Variants in EED observed in about 807,000 individuals in gnomAD.
EED encodes the protein embryonic ectoderm development.
Under a neutral mutation model 61.0 loss-of-function variants are expected in EED, and 9 were observed. That is an observed-to-expected ratio of 0.15 (90% CI 0.09 to 0.26). The LOEUF (loss-of-function observed/expected upper bound fraction) is 0.26, where lower values mean the gene tolerates loss of function less well. Among genes scored for constraint, EED ranks in the 10% least tolerant of loss-of-function variants. The pLI is 1.00. For synonymous variants in EED, 187 were observed against 174.4 expected (o/e 1.07, Z -0.57); for missense variants, 315 against 542.3 (o/e 0.58, Z 4.16).
intron 9 of EED, among the ~76,000 whole-genome samples, chr11:86,273,106 C>G (rs1946153972): frequency 6.6e-6 from 1 of 152,192 alleles, no homozygotes; most frequent in Non-Finnish European, 1.5e-5. Context: ...TCTCTGAAGC[C>G]TGAAACTCCT....
chr11:86,267,766 A>ATTTTTTTTTTTTTTTTTTTTTTTT, intron 8 of EED: 1 of 108,750 alleles, frequency 9.2e-6, no homozygotes, highest in Non-Finnish European at 1.8e-5. Context: ...TGCCTGGCTA[A>ATTTTTTTTTTTTTTTTTTTTTTTT]TTTTTTTTTT....
intron 9 of EED, among the ~76,000 whole-genome samples, chr11:86,275,755 C>G (rs1248397259): frequency 6.6e-6 from 1 of 152,162 alleles, no homozygotes; most frequent in Non-Finnish European, 1.5e-5. Flanking sequence ...TGAGAAAACT[C>G]CACAGACTAT....
chr11:86,248,322 G>T (rs991435), intron 1 of EED, among the ~76,000 whole-genome samples: 1 of 152,048 alleles, frequency 6.6e-6, no homozygotes, highest in Non-Finnish European at 1.5e-5. Context: ...TAAATTAAGT[G>T]ATCAGAAGTA....
downstream of EED, among the ~76,000 whole-genome samples, chr11:86,279,508 G>C (rs1255286751): frequency 6.6e-6 from 1 of 152,132 alleles, no homozygotes; most frequent in Non-Finnish European, 1.5e-5. Context: ...AAAGAGTGAA[G>C]ACCAAGATCA....
At chr11:86,260,917 CT>C (rs142808671) in intron 6 of EED, among the ~76,000 whole-genome samples, 1,787 of 142,868 alleles carry the variant, frequency 0.013, 32 homozygotes, top group African/African-American at 0.037. Flanking sequence ...AACTTGAAGC[CT>C]TTTTTTTTTT....
At chr11:86,280,776 T>C (rs1374993950), downstream of EED, among the ~76,000 whole-genome samples, 1 of 152,248 alleles carries the variant, frequency 6.6e-6, no homozygotes, top group Non-Finnish European at 1.5e-5. Flanking sequence ...AACTTTTCAC[T>C]AATGAGTATG....
At chr11:86,274,295 T>C (rs1946181471) in intron 9 of EED, among the ~76,000 whole-genome samples, 3 of 152,204 alleles carry the variant, frequency 2.0e-5, no homozygotes, top group Admixed American at 2.0e-4. Flanking sequence ...TTTATATTCC[T>C]GCCTTAAATC....
intron 6 of EED, among the ~76,000 whole-genome samples, chr11:86,261,891 A>C (rs1318495877): frequency 1.3e-5 from 2 of 152,106 alleles, no homozygotes; most frequent in Non-Finnish European, 2.9e-5. Flanking sequence ...CCTTGCCCTC[A>C]AGGTCTTAGC....
At position 86,260,929 on chromosome 11, in the gene EED, T is replaced by A. The variant is rs963432915; in HGVS notation, c.635-3243T>A. On this transcript the variant is annotated intron_variant, in intron 6 of 11. Coordinates refer to ENST00000263360, the MANE Select transcript of EED (RefSeq NM_003797.5). ...TTGAACTTGAAGCCTTTTTTTTTTT[T>A]AATATATAATTGGAATTAATTCATT... 1.7e-4 allele frequency among the ~76,000 whole-genome samples: 26 copies of A among 151,936 alleles called. 1 individual carries two copies. The highest frequency in any genetic ancestry group is 9.2e-4 in the Admixed American group (14 of 15,264).
At chr11:86,260,299 C>G (rs1449052939) in intron 6 of EED, among the ~76,000 whole-genome samples, 7 of 152,114 alleles carry the variant, frequency 4.6e-5, no homozygotes, top group Non-Finnish European at 8.8e-5. Context: ...GTGATCACAG[C>G]TCACTGTAGC....
At chr11:86,270,146 C>A (rs760263408) in intron 9 of EED, 22 of 700,724 alleles carry the variant, frequency 3.1e-5, no homozygotes, top group Admixed American at 1.4e-4. Context: ...TCCGAATCTT[C>A]GCCAGCATTT....
chr11:86,272,927 T>C lies in EED; in HGVS notation c.967-4053T>C, dbSNP rs181022558. Among the ~76,000 whole-genome samples, 64 of 152,356 alleles carry C rather than the reference T, an allele frequency of 4.2e-4. 1 individual carries two copies. Among genetic ancestry groups the C allele is most frequent in the Admixed American group, 1.2e-3 (18 of 15,304 alleles). On this transcript the variant is annotated intron_variant, in intron 9 of 11. Transcript: ENST00000263360. The stretch of plus-strand genomic sequence containing the variant: ...CTTTTTCATTTCTCTCTGAGTTTTT[T>C]CCCCCCTAACTTTCTGGGTTACATG...
chr11:86,254,445 T>C (rs925605357), intron 3 of EED, among the ~76,000 whole-genome samples: 2 of 151,264 alleles, frequency 1.3e-5, no homozygotes, highest in African/African-American at 4.9e-5. Flanking sequence ...CTCAGCCTCC[T>C]GAGTAGCTGG....
At chr11:86,255,187 T>G in intron 3 of EED, 35 bp from the exon 4 acceptor site, 2 of 1,519,122 alleles carry the variant, frequency 1.3e-6, no homozygotes, top group Non-Finnish European at 1.8e-6. Flanking sequence ...TTTCTATACT[T>G]GAGATGAAAT....
At chr11:86,265,829 A>T (rs1190577388) in intron 7 of EED, 1 of 242,560 alleles carries the variant, frequency 4.1e-6, no homozygotes, top group African/African-American at 2.2e-5. Context: ...TTGAATAGAT[A>T]AAACTAAGTT....
intron 4 of EED, among the ~76,000 whole-genome samples, chr11:86,256,010 A>G (rs925304378): frequency 6.6e-6 from 1 of 152,206 alleles, no homozygotes; most frequent in African/African-American, 2.4e-5. Context: ...AGATATTTAT[A>G]GAGGTATGGG....
chr11:86,261,704 C>T (rs1490755526), intron 6 of EED, among the ~76,000 whole-genome samples: 1 of 152,230 alleles, frequency 6.6e-6, no homozygotes, highest in African/African-American at 2.4e-5. Context: ...GACTTAACAC[C>T]ACATGGACAC....
At position 86,244,952 on chromosome 11, in the gene EED, G is replaced by C. The variant is rs554225827; in HGVS notation, c.-278G>C. The C allele has an allele frequency of 5.0e-6, 2 of 396,522 alleles. No individual in the cohort carries two copies. Among genetic ancestry groups the C allele is most frequent in the East Asian group, 4.7e-5 (1 of 21,326 alleles). 24.6% of individuals were successfully genotyped at this position (396,522 alleles called of 1,614,324 possible). On this transcript the variant is annotated 5_prime_UTR_variant, in exon 1 of 12. Transcript: ENST00000263360. Reference sequence around the variant, plus strand: ...CGGACCTTACATCGTGTAGACTGCCGGGAGGGCGGCGGGAAAAGGGCAAGA... The same window carrying C: ...CGGACCTTACATCGTGTAGACTGCCCGGAGGGCGGCGGGAAAAGGGCAAGA...
downstream of EED, among the ~76,000 whole-genome samples, chr11:86,281,531 C>T (rs1054203821): frequency 2.0e-5 from 3 of 151,928 alleles, no homozygotes; most frequent in Admixed American, 6.6e-5. Context: ...TGTTGGTTTG[C>T]GATCTTTTTT....
Sources: gnomAD v4.1 joint callset for allele counts (sites outside exome capture counted in the v4.1 genomes callset) on GRCh38, gnomAD v4.1.1 for gene constraint, MANE v1.5 for transcripts, NCBI Gene and HGNC (gene_info 2026-07-23, HGNC 2026-07-21) for gene names.